Variants in CSMD1 observed in about 807,000 individuals in gnomAD.
CSMD1 encodes the protein CUB and Sushi multiple domains 1.
Under a neutral mutation model 417.5 loss-of-function variants are expected in CSMD1, and 213 were observed. That is an observed-to-expected ratio of 0.51 (90% CI 0.46 to 0.57). The LOEUF is 0.57. CSMD1 is among the 20% of genes least tolerant of loss of function. The probability of loss-of-function intolerance (pLI) is 0.00; values close to 1 mark genes in which losing one functional copy is unlikely to be tolerated. For missense variants in CSMD1, 6,923 were observed against 4,529.7 expected (o/e 1.53, Z -15.17); for synonymous variants, 2,862 against 1,736.8 (o/e 1.65, Z -16.11).
chr8:3,940,530 T>TGTGC (rs1810809166), intron 5 of CSMD1, among the ~76,000 whole-genome samples: 1 of 150,842 alleles, frequency 6.6e-6, no homozygotes, highest in Non-Finnish European at 1.5e-5. Flanking sequence ...TGTGTGTGTG[T>TGTGC]GTGTGTATGT....
intron 1 of CSMD1, among the ~76,000 whole-genome samples, chr8:4,939,704 G>C (rs992038707): frequency 6.6e-6 from 1 of 152,142 alleles, no homozygotes; most frequent in Non-Finnish European, 1.5e-5. Flanking sequence ...AGAGGACAAG[G>C]AATAATTTCA....
chr8:4,056,153 C>T (rs1336416666), intron 3 of CSMD1, among the ~76,000 whole-genome samples: 1 of 133,974 alleles, frequency 7.5e-6, no homozygotes, highest in Non-Finnish European at 1.5e-5. Flanking sequence ...ACCATCTTGG[C>T]TTACTCCAAC....
At chr8:4,174,787 G>A (rs80237637) in intron 3 of CSMD1, among the ~76,000 whole-genome samples, 938 of 50,432 alleles carry the variant, frequency 0.019, 162 homozygotes, top group Middle Eastern at 0.069. Flanking sequence ...GAGACAGACC[G>A]ACACAGATTG....
chr8:4,096,407 T>A (rs946939047), intron 3 of CSMD1, among the ~76,000 whole-genome samples: 1 of 151,906 alleles, frequency 6.6e-6, no homozygotes, highest in Non-Finnish European at 1.5e-5. Context: ...AATCCAGACA[T>A]AGAGTGAAAA....
At chr8:3,098,717 AT>A (rs1815515402) in intron 46 of CSMD1, among the ~76,000 whole-genome samples, 1 of 152,164 alleles carries the variant, frequency 6.6e-6, no homozygotes, top group Non-Finnish European at 1.5e-5. Context: ...AAATAATGAA[AT>A]TAGGGTCCGT....
intron 8 of CSMD1, among the ~76,000 whole-genome samples, chr8:3,600,420 A>C (rs1390117342): frequency 6.6e-6 from 1 of 152,340 alleles, no homozygotes; most frequent in African/African-American, 2.4e-5. Flanking sequence ...ACAGAAACTT[A>C]AGAGGTCTCT....
intron 3 of CSMD1, among the ~76,000 whole-genome samples, chr8:4,241,697 A>T (rs904743727): frequency 1.6e-5 from 2 of 128,746 alleles, no homozygotes; most frequent in East Asian, 5.2e-4. Context: ...ATTTGGAGTG[A>T]TTTTTTTTTT....
In CSMD1 at chr8:4,404,619, C is replaced by T. The variant is rs556091455; in HGVS notation, c.415+15334G>A. On this transcript the variant is annotated intron_variant, in intron 3 of 69. Transcript: ENST00000635120. ...GGCAAAAATGGCAATTTCTTTTGCA[C>T]CAACCTAAGTAATGTGAATTTATAT... is the stretch of plus-strand genomic sequence containing the variant. Among the ~76,000 whole-genome samples, 6 of 151,832 alleles carry T rather than the reference C, an allele frequency of 4.0e-5. No homozygotes were observed. The South Asian group carries it at 1.0e-3, about 26-fold the overall frequency.
At position 3,966,655 on chromosome 8, in the gene CSMD1, A is replaced by T. The variant is rs185103274; in HGVS notation, c.818+31248T>A. Among the ~76,000 whole-genome samples the T allele has an allele frequency of 1.4e-4, 21 of 152,188 alleles. No individual in the cohort carries two copies. The East Asian group carries it at 3.7e-3, about 27-fold the overall frequency. Reference sequence around the variant, plus strand: ...GCCTGCAAGGTCTTTGAGGGCAAAGACCATGTGCTGTGTTTCATGCTATCT... The same window carrying T: ...GCCTGCAAGGTCTTTGAGGGCAAAGTCCATGTGCTGTGTTTCATGCTATCT... On this transcript the variant is annotated intron_variant, in intron 5 of 69. Transcript: ENST00000635120.
chr8:3,636,967 C>T (rs933985524), intron 7 of CSMD1, among the ~76,000 whole-genome samples: 7 of 152,044 alleles, frequency 4.6e-5, no homozygotes, highest in Admixed American at 2.6e-4. Context: ...GCTATAAATG[C>T]GAATTTGTCT....
rs115042326 is a variant in CSMD1 at position 4,341,642 on chromosome 8, C to T, written c.415+78311G>A. Among the ~76,000 whole-genome samples the T allele has an allele frequency of 4.3e-3, 657 of 152,174 alleles. 1 individual carries two copies. The highest frequency in any genetic ancestry group is 0.015 in the African/African-American group (613 of 41,526). The stretch of plus-strand genomic sequence containing the variant: ...CTTACGGAAAAATGTTTAGGATATG[C>T]TCTTGTGTTCTAAAAGCATCTTTCA... On this transcript the variant is annotated intron_variant, in intron 3 of 69. Coordinates refer to ENST00000635120, the MANE Select transcript of CSMD1 (RefSeq NM_033225.6).
chr8:3,817,502 A>G (rs1801453807), intron 5 of CSMD1, among the ~76,000 whole-genome samples: 1 of 151,732 alleles, frequency 6.6e-6, no homozygotes, highest in East Asian at 1.9e-4. Context: ...GATGGTCTCA[A>G]TCTCCTGACC....
chr8:4,504,216 C>G (rs1321553118), intron 2 of CSMD1, among the ~76,000 whole-genome samples: 1 of 152,096 alleles, frequency 6.6e-6, no homozygotes, highest in East Asian at 1.9e-4. Flanking sequence ...ACTGTGTGAA[C>G]CAAGTCAGTT....
chr8:3,763,995 T>C (rs536754341), intron 5 of CSMD1, among the ~76,000 whole-genome samples: 5 of 152,310 alleles, frequency 3.3e-5, no homozygotes. Context: ...ATCTGTCTGT[T>C]TGTCATGAAG....
intron 37 of CSMD1, among the ~76,000 whole-genome samples, chr8:3,177,098 G>T (rs188914033): frequency 6.6e-6 from 1 of 152,226 alleles, no homozygotes. Context: ...ATTTCTAAAG[G>T]ACAAACTCCC....
At chr8:3,916,177 GACA>G (rs1808815928) in intron 5 of CSMD1, among the ~76,000 whole-genome samples, 1 of 151,956 alleles carries the variant, frequency 6.6e-6, no homozygotes, top group African/African-American at 2.4e-5. Context: ...AGAAATTGAA[GACA>G]ACAATACAAT....
intron 5 of CSMD1, among the ~76,000 whole-genome samples, chr8:3,910,075 C>G (rs968339296): frequency 4.6e-5 from 7 of 152,142 alleles, no homozygotes; most frequent in African/African-American, 1.4e-4. Context: ...AGACCAGCTG[C>G]TAACATGGCA....
intron 68 of CSMD1, among the ~76,000 whole-genome samples, chr8:2,946,805 G>C (rs566296172): frequency 1.2e-4 from 18 of 152,310 alleles, no homozygotes; most frequent in African/African-American, 3.8e-4. Context: ...AACTACCAGA[G>C]TGTTTTCCAG....
At chr8:3,673,639 C>T (rs992302963) in intron 7 of CSMD1, among the ~76,000 whole-genome samples, 1 of 152,196 alleles carries the variant, frequency 6.6e-6, no homozygotes, top group Non-Finnish European at 1.5e-5. Flanking sequence ...CGGGTGCGGG[C>T]AACTTATATA....
Sources: allele counts gnomAD v4.1 joint callset (sites outside exome capture counted in the v4.1 genomes callset), GRCh38; gene constraint gnomAD v4.1.1; transcripts MANE v1.5; gene names NCBI Gene and HGNC (gene_info 2026-07-23, HGNC 2026-07-21).